The following GSDMC variants were observed in gnomAD, a reference collection of about 807,000 sequenced individuals.
GSDMC encodes gasdermin-C.
GSDMC carries 59 observed loss-of-function variants against 58.0 expected under a neutral mutation model. The ratio of observed to expected loss-of-function variants is 1.02; its 90% CI spans 0.82 to 1.26. The LOEUF (loss-of-function observed/expected upper bound fraction) is 1.26, where lower values mean the gene tolerates loss of function less well. GSDMC is among the 50% of genes most tolerant of loss of function. GSDMC has a pLI of 0.00. For missense variants in GSDMC, 659 were observed against 598.5 expected, an observed-to-expected ratio of 1.10 and a Z score of -1.06; for synonymous variants, 241 against 220.2, an observed-to-expected ratio of 1.09 and a Z score of -0.83.
intron 1 of GSDMC, among the ~76,000 whole-genome samples, chr8:129,784,656 T>C (rs2034506646): frequency 1.3e-5 from 2 of 152,186 alleles, no homozygotes; most frequent in African/African-American, 4.8e-5. Context: ...GAATGTAAAT[T>C]AGTACAGCCA....
Position 129,765,717 on chromosome 8 carries a change from CCT to C in GSDMC, c.479_480del (p.Glu160GlyfsTer3), listed in dbSNP as rs2033833146. ...ACAGTATTGTTGATCAGTTCAACAG[CCT>C]CTGTCACCACGTACAGGTTGTCCCC... Reference protein sequence around the residue: ...RRGDNLYVVTEAVELINNTVL... With the variant: ...RRGDNLYVVTXAVELINNTVL... On this transcript the variant is annotated frameshift_variant, in exon 4 of 14. Coordinates refer to ENST00000276708, the MANE Select transcript of GSDMC (RefSeq NM_031415.3). LOFTEE classifies it high-confidence loss of function. The C allele has an allele frequency of 1.6e-5, 26 of 1,610,850 alleles. No individual in the cohort carries two copies. The highest frequency in any genetic ancestry group is 2.2e-5 in the Non-Finnish European group (26 of 1,177,016).
At chr8:129,726,999 TAC>T in the GSDMC span, among the ~76,000 whole-genome samples, 144 of 93,042 alleles carry the variant, frequency 1.5e-3, 1 homozygote, top group African/African-American at 8.0e-3. Flanking sequence ...CCAATACACA[TAC>T]ACACACACAC....
In GSDMC at chr8:129,777,447, T is replaced by C. The variant is rs1367247638; in HGVS notation, c.141A>G (p.Ser47=). 1 of 1,613,714 alleles carries C rather than the reference T, an allele frequency of 6.2e-7. No individual in the cohort carries two copies. ...VILRKKKDSR[S]SFWEQSDYVP... The stretch of plus-strand genomic sequence containing the variant: ...CATAGTCAGATTGTTCCCAAAATGA[T>C]GAACGAGAATCCTTCTTCTTTCGTA... The change falls in exon 2 of 14, where the codon TCA becomes TCG. Residue 47 remains serine, a synonymous_variant. Coordinates refer to ENST00000276708, the MANE Select transcript of GSDMC (RefSeq NM_031415.3).
chr8:129,780,894 C>A (rs1465078718), intron 1 of GSDMC, among the ~76,000 whole-genome samples: 1 of 151,818 alleles, frequency 6.6e-6, no homozygotes, highest in Non-Finnish European at 1.5e-5. Context: ...AAGCAGAAGA[C>A]AAAGTTAGAA....
the GSDMC span, among the ~76,000 whole-genome samples, chr8:129,727,523 A>C: frequency 6.6e-6 from 1 of 152,220 alleles, no homozygotes; most frequent in Non-Finnish European, 1.5e-5. Context: ...GGATCCGAGA[A>C]AGACAGGCCG....
At chr8:129,774,312 T>G (rs1159727075) in intron 3 of GSDMC, among the ~76,000 whole-genome samples, 3 of 152,038 alleles carry the variant, frequency 2.0e-5, no homozygotes, top group Non-Finnish European at 2.9e-5. Flanking sequence ...AAGGATAGTG[T>G]CTTCAAAAAA....
chr8:129,731,534 TG>T, the GSDMC span, among the ~76,000 whole-genome samples: 1 of 152,332 alleles, frequency 6.6e-6, no homozygotes, highest in Middle Eastern at 3.4e-3. Flanking sequence ...GTCCAAAACC[TG>T]GAGTGTGAGG....
At chr8:129,750,606 G>A in intron 10 of GSDMC, 36 bp from the exon 11 acceptor site, 2 of 1,605,184 alleles carry the variant, frequency 1.2e-6, no homozygotes, top group Non-Finnish European at 1.7e-6. Flanking sequence ...AGAAAGTGGG[G>A]ACAAGTCTTT....
At chr8:129,781,103 G>T (rs1407530036) in intron 1 of GSDMC, among the ~76,000 whole-genome samples, 1 of 151,540 alleles carries the variant, frequency 6.6e-6, no homozygotes, top group African/African-American at 2.4e-5. Flanking sequence ...TTCACTAAAA[G>T]GAAGAAGAAA....
chr8:129,768,826 T>G (rs2033953664), intron 3 of GSDMC, among the ~76,000 whole-genome samples: 1 of 152,166 alleles, frequency 6.6e-6, no homozygotes. Context: ...ATACCTATAA[T>G]CCCAGCACTT....
chr8:129,769,534 A>C (rs1005111571), intron 3 of GSDMC, among the ~76,000 whole-genome samples: 2 of 152,174 alleles, frequency 1.3e-5, no homozygotes, highest in Non-Finnish European at 2.9e-5. Flanking sequence ...CATCTCATGG[A>C]AGATGGTGAA....
At chr8:129,744,591 C>T (rs1370900619), downstream of GSDMC, among the ~76,000 whole-genome samples, 1 of 152,160 alleles carries the variant, frequency 6.6e-6, no homozygotes, top group African/African-American at 2.4e-5. Context: ...CAGTGTAGGG[C>T]TGACAGCGCA....
the GSDMC span, among the ~76,000 whole-genome samples, chr8:129,738,956 G>A: frequency 6.6e-6 from 1 of 152,168 alleles, no homozygotes; most frequent in Non-Finnish European, 1.5e-5. Flanking sequence ...CAATAGACTG[G>A]ACCAAGAAGA....
At position 129,749,915 on chromosome 8, in the gene GSDMC, C is replaced by T. The variant is rs2033104339; in HGVS notation, c.1213+75G>A. Reference sequence around the variant, plus strand: ...CATTCAAAGGGCTTTGGAGACACAGCATCTAACACAGCTTTTTGCGGGTCC... The same window carrying T: ...CATTCAAAGGGCTTTGGAGACACAGTATCTAACACAGCTTTTTGCGGGTCC... On this transcript the variant is annotated intron_variant, in intron 12 of 13. Coordinates refer to ENST00000276708, the MANE Select transcript of GSDMC (RefSeq NM_031415.3). 8.2e-6 allele frequency: 10 copies of T among 1,225,310 alleles called. No homozygotes were observed. In the Middle Eastern group the frequency reaches 1.0e-3, roughly 126 times the overall value. The allele number at this position is 1,225,310 out of a possible 1,614,324, so 75.9% of individuals were successfully genotyped here.
At chr8:129,708,889 C>A in the GSDMC span, among the ~76,000 whole-genome samples, 1 of 152,268 alleles carries the variant, frequency 6.6e-6, no homozygotes, top group Non-Finnish European at 1.5e-5. Flanking sequence ...TGGCCCATGC[C>A]ACCTACTGGC....
intron 6 of GSDMC, 107 bp from the exon 7 acceptor site, chr8:129,752,927 C>A: frequency 6.5e-7 from 1 of 1,534,982 alleles, no homozygotes; most frequent in Non-Finnish European, 8.8e-7. Context: ...AGTGCCAGTG[C>A]ACGAAGGGAG....
At chr8:129,747,020 C>A (rs917279323), downstream of GSDMC, among the ~76,000 whole-genome samples, 12 of 151,416 alleles carry the variant, frequency 7.9e-5, no homozygotes, top group East Asian at 2.1e-3. Flanking sequence ...GAGGCCGAAG[C>A]AGGCAGATCA....
At chr8:129,736,442 G>A in the GSDMC span, among the ~76,000 whole-genome samples, 818 of 152,236 alleles carry the variant, frequency 5.4e-3, 6 homozygotes, top group African/African-American at 0.018. Context: ...TATCCACCAC[G>A]ATCAACTCAG....
Position 129,761,039 on chromosome 8 carries a change from T to TA in GSDMC, c.677-451_677-450insT, listed in dbSNP as rs2033639991. ...AAGAAGACAAAAAGTTGTATAAGGG[T>TA]TGAAAAGTGTGAACTGAATGAAGTT... On this transcript the variant is annotated intron_variant, in intron 5 of 13. Transcript: ENST00000276708. 2.0e-5 allele frequency among the ~76,000 whole-genome samples: 3 copies of TA among 152,004 alleles called. No homozygotes were observed. The South Asian group carries it at 6.2e-4, about 32-fold the overall frequency.
Sources: allele counts gnomAD v4.1 joint callset (sites outside exome capture counted in the v4.1 genomes callset), GRCh38; gene constraint gnomAD v4.1.1; transcripts MANE v1.5; gene names NCBI Gene and HGNC (gene_info 2026-07-23, HGNC 2026-07-21).